The following INSR variants were observed in gnomAD, a reference collection of about 807,000 sequenced individuals.
INSR encodes the protein insulin receptor.
In INSR, 67 loss-of-function variants were observed where a neutral mutation model predicts 142.6. The observed-to-expected ratio is 0.47, with a 90% confidence interval of 0.39 to 0.58. The LOEUF (loss-of-function observed/expected upper bound fraction) is 0.58. INSR is among the 20% of genes least tolerant of loss of function. The pLI is 0.00. For missense variants in INSR, 1,248 were observed against 1,833.2 expected (o/e 0.68, Z 5.83); for synonymous variants, 756 against 743.1 (o/e 1.02, Z -0.28).
In INSR at chr19:7,170,458, C is replaced by A; in HGVS notation, c.1483+79G>T. 3 of 1,043,082 alleles carry A rather than the reference C, an allele frequency of 2.9e-6. No homozygotes were observed. In the South Asian group the frequency reaches 3.8e-5, roughly 13 times the overall value. The allele number at this position is 1,043,082 out of a possible 1,614,324, so 64.6% of individuals were successfully genotyped here. A position where few individuals can be genotyped will look rare whatever the true frequency, so the allele number is the denominator to read the frequency against. ...TTGAATCATGCTGAAACCATCCCCA[C>A]CCACCACCAGTCCATGGAAAAACCA... On this transcript the variant is annotated intron_variant, in intron 6 of 21. Transcript: ENST00000302850.
At chr19:7,270,438 C>A (rs1255749283) in intron 1 of INSR, among the ~76,000 whole-genome samples, 1 of 151,432 alleles carries the variant, frequency 6.6e-6, no homozygotes, top group African/African-American at 2.4e-5. Flanking sequence ...GAACCAAAAT[C>A]AGACATGAAT....
intron 11 of INSR, among the ~76,000 whole-genome samples, chr19:7,143,654 G>A (rs1346551483): frequency 6.6e-6 from 1 of 152,148 alleles, no homozygotes; most frequent in African/African-American, 2.4e-5. Flanking sequence ...TTAACTCCAA[G>A]AAACATCTAT....
intron 2 of INSR, among the ~76,000 whole-genome samples, chr19:7,256,931 C>CTTTTTTTTTTT (rs772500676): frequency 8.2e-5 from 9 of 109,464 alleles, no homozygotes; most frequent in Non-Finnish European, 1.2e-4. Context: ...TCTACCCTAC[C>CTTTTTTTTTTT]TTTTTTTTTT....
intron 2 of INSR, among the ~76,000 whole-genome samples, chr19:7,247,140 T>C (rs1455305464): frequency 6.6e-6 from 1 of 152,190 alleles, no homozygotes; most frequent in Non-Finnish European, 1.5e-5. Context: ...TCCAAATAGA[T>C]TCCCATTACT....
intron 4 of INSR, among the ~76,000 whole-genome samples, chr19:7,173,627 T>TTTC (rs1974069069): frequency 7.1e-6 from 1 of 140,076 alleles, no homozygotes; most frequent in African/African-American, 2.7e-5. Flanking sequence ...TTTTTTTTTT[T>TTTC]TTTTTTTTTT....
intron 2 of INSR, among the ~76,000 whole-genome samples, chr19:7,188,440 G>C (rs1974487342): frequency 6.6e-6 from 1 of 150,840 alleles, no homozygotes; most frequent in African/African-American, 2.4e-5. Flanking sequence ...CAGCTACTCA[G>C]CTACTCAGAA....
At chr19:7,251,090 G>A (rs11671297) in intron 2 of INSR, among the ~76,000 whole-genome samples, 85,495 of 151,674 alleles carry the variant, frequency 0.56, 24,358 homozygotes, top group Admixed American at 0.62. Context: ...GACGTTGAAC[G>A]GCATCCCTGG....
rs148265864 is a variant in INSR, at chr19:7,155,495, G to C, written c.2030-2568C>G. 8.7e-3 allele frequency among the ~76,000 whole-genome samples: 1,244 copies of C among 143,014 alleles called. 21 individuals carry two copies. The highest frequency in any genetic ancestry group is 0.031 in the African/African-American group (1,176 of 38,378). The allele number at this position is 143,014 out of a possible 152,430, so 93.8% of individuals were successfully genotyped here. A position where few individuals can be genotyped will look rare whatever the true frequency, so the allele number is the denominator to read the frequency against. ...GGAGGTTGCATTGAGCCAAGATTGC[G>C]CCACTGCACTCCAGCCTGGGTGACA... On this transcript the variant is annotated intron_variant, in intron 9 of 21. Transcript: ENST00000302850.
At chr19:7,226,227 G>A (rs1047296970) in intron 2 of INSR, among the ~76,000 whole-genome samples, 1 of 151,966 alleles carries the variant, frequency 6.6e-6, no homozygotes, top group Non-Finnish European at 1.5e-5. Flanking sequence ...CCAACATGGT[G>A]AAACCACATC....
At position 7,225,835 on chromosome 19, in the gene INSR, T is replaced by A. The variant is rs1024694717; in HGVS notation, c.653-41198A>T. Among the ~76,000 whole-genome samples, 1 of 152,102 alleles carries A rather than the reference T, an allele frequency of 6.6e-6. No individual in the cohort carries two copies. Among genetic ancestry groups the A allele is most frequent in the Non-Finnish European group, 1.5e-5 (1 of 68,018 alleles). On this transcript the variant is annotated intron_variant, in intron 2 of 21. Coordinates refer to ENST00000302850, the MANE Select transcript of INSR (RefSeq NM_000208.4). The surrounding 1 kb of genome is among the most constrained non-coding windows in gnomAD (Gnocchi z 4.7). ...ACCTGGCAGTGTCTGGAGACATTTG[T>A]GTTTGCCATGCCTCGGGGGCGGCGC...
chr19:7,259,443 G>T (rs1479188130), intron 2 of INSR, among the ~76,000 whole-genome samples: 1 of 152,070 alleles, frequency 6.6e-6, no homozygotes, highest in Non-Finnish European at 1.5e-5. Context: ...GGGAAGATGG[G>T]ATGCAATATC....
rs1227540414 is a variant in INSR at position 7,132,172 on chromosome 19, T to C, written c.2828A>G (p.Tyr943Cys). 6.8e-6 allele frequency: 11 copies of C among 1,613,986 alleles called. No homozygotes were observed. The highest frequency in any genetic ancestry group is 1.3e-5 in the African/African-American group (1 of 75,012). Residue 943 changes from tyrosine (Y) to cysteine (C), a missense_variant, in exon 14 of 22, where the codon TAC becomes TGC. Physicochemically the swap from Tyr to Cys is radical, Grantham distance 194. This residue lies in a region of INSR where 1,069 missense variants were observed against 1,654.0 expected (regional missense o/e 0.65). Coordinates refer to ENST00000302850, the MANE Select transcript of INSR (RefSeq NM_000208.4). ...TGGAGACTTACAATAGTCTGTCACGTAGAAATAGGTGGGTTCCGTCCAAGA... is the reference window on the plus strand; with the variant it reads ...TGGAGACTTACAATAGTCTGTCACGCAGAAATAGGTGGGTTCCGTCCAAGA... Reference protein sequence around the residue: ...NGSWTEPTYFYVTDYLDVPSN... With the variant: ...NGSWTEPTYFCVTDYLDVPSN...
rs78319373 is a variant in INSR at position 7,287,760 on chromosome 19, T to C, written c.100+6032A>G. ...TTCATTTCACTCACTTCATTCGAGT[T>C]GTACCAGGGACTGCACAAGCTATTA... On this transcript the variant is annotated intron_variant, in intron 1 of 21. Transcript: ENST00000302850. Among the ~76,000 whole-genome samples, 2,491 of 152,272 alleles carry C rather than the reference T, an allele frequency of 0.016. 113 individuals carry two copies. The East Asian group carries it at 0.17, about 10-fold the overall frequency.
chr19:7,166,498 G>T lies in INSR; in HGVS notation c.1611-94C>A. The T allele has an allele frequency of 7.4e-7, 1 of 1,358,080 alleles. No individual in the cohort carries two copies. The highest frequency in any genetic ancestry group is 1.0e-6 in the Non-Finnish European group (1 of 973,526). The allele number at this position is 1,358,080 out of a possible 1,614,324, so 84.1% of individuals were successfully genotyped here. ...GGCCTGGGAAGTTACATCCCATAGG[G>T]TCACATGTTACTCACCCAACAATCT... On this transcript the variant is annotated intron_variant, in intron 7 of 21. Transcript: ENST00000302850. The surrounding 1 kb of genome is among the most constrained non-coding windows in gnomAD (Gnocchi z 4.1).
At chr19:7,215,412 TC>T (rs1975402492) in intron 2 of INSR, among the ~76,000 whole-genome samples, 1 of 151,296 alleles carries the variant, frequency 6.6e-6, no homozygotes, top group African/African-American at 2.4e-5. Flanking sequence ...CAGACAGCCG[TC>T]CCCACCACCA....
At chr19:7,132,965 G>A (rs887931419) in intron 13 of INSR, among the ~76,000 whole-genome samples, 1 of 151,916 alleles carries the variant, frequency 6.6e-6, no homozygotes, top group African/African-American at 2.4e-5. Flanking sequence ...ATTTTTAATT[G>A]ACAACAGTAT....
chr19:7,212,627 C>T (rs1448612689), intron 2 of INSR, among the ~76,000 whole-genome samples: 2 of 151,960 alleles, frequency 1.3e-5, no homozygotes, highest in Non-Finnish European at 2.9e-5. Flanking sequence ...CTCTTGTTGC[C>T]CAGGCTGGAG....
At chr19:7,178,302 C>A in intron 3 of INSR, among the ~76,000 whole-genome samples, 1 of 149,934 alleles carries the variant, frequency 6.7e-6, no homozygotes. Flanking sequence ...AAGAACAACC[C>A]TGTGATCAGA....
intron 1 of INSR, among the ~76,000 whole-genome samples, chr19:7,278,272 T>C (rs1968116860): frequency 6.6e-6 from 1 of 152,048 alleles, no homozygotes; most frequent in Non-Finnish European, 1.5e-5. Flanking sequence ...ATCATCCAGA[T>C]CATAGTCCTT....
Sources: allele counts gnomAD v4.1 joint callset (sites outside exome capture counted in the v4.1 genomes callset), GRCh38; gene constraint gnomAD v4.1.1; regional missense constraint gnomAD v4.1.1; non-coding constraint Gnocchi (gnomAD v3.1); transcripts MANE v1.5; gene names NCBI Gene and HGNC (gene_info 2026-07-23, HGNC 2026-07-21).